Variants in SLC38A11 observed in about 807,000 individuals in gnomAD.
SLC38A11 encodes the protein solute carrier family 38 member 11, also known as putative sodium-coupled neutral amino acid transporter 11.
A neutral mutation model predicts 49.4 loss-of-function variants in SLC38A11; 51 were observed. That is an observed-to-expected ratio of 1.03 (90% CI 0.83 to 1.30). The LOEUF is 1.30. SLC38A11 is among the 50% of genes most tolerant of loss of function. The pLI is 0.00. For synonymous variants in SLC38A11, 203 were observed against 192.9 expected (o/e 1.05, Z -0.43); for missense variants, 574 against 556.2 (o/e 1.03, Z -0.32).
rs752704396 is a variant in SLC38A11 at position 164,911,627 on chromosome 2, C to A, written c.963+9G>T. The A allele has an allele frequency of 2.7e-6, 4 of 1,469,006 alleles. No individual in the cohort carries two copies. Among genetic ancestry groups the A allele is most frequent in the Admixed American group, 3.9e-5 (2 of 51,598 alleles). The allele number at this position is 1,469,006 out of a possible 1,614,324, so 91.0% of individuals were successfully genotyped here. A position where few individuals can be genotyped will look rare whatever the true frequency, so the allele number is the denominator to read the frequency against. ...CCTGGGTAAAGCGTTGGGAAGGAAC[C>A]GCGCTTACCTCTCTTGTCACAAAGC... is the stretch of plus-strand genomic sequence containing the variant. On this transcript the variant is annotated intron_variant, in intron 10 of 11. Coordinates refer to ENST00000685975, the MANE Select transcript of SLC38A11 (RefSeq NM_001351537.2).
At chr2:164,907,091 G>A (rs1559088644) in intron 11 of SLC38A11, among the ~76,000 whole-genome samples, 1 of 152,030 alleles carries the variant, frequency 6.6e-6, no homozygotes, top group Non-Finnish European at 1.5e-5. Flanking sequence ...CTTTGTAGTG[G>A]TAGAACAACT....
At chr2:164,941,504 T>C (rs562113163) in intron 5 of SLC38A11, among the ~76,000 whole-genome samples, 76 of 152,190 alleles carry the variant, frequency 5.0e-4, no homozygotes. Flanking sequence ...CACCCCAAAA[T>C]GGTGAAGATG....
rs767116469 is a variant in SLC38A11, at chr2:164,937,415, A to G, written c.552T>C (p.Ser184=). The G allele has an allele frequency of 5.0e-6, 8 of 1,608,766 alleles. No individual in the cohort carries two copies. In the South Asian group the frequency reaches 8.8e-5, roughly 18 times the overall value. The change falls in exon 7 of 12, where the codon TCT becomes TCC. Residue 184 remains serine, a synonymous_variant. Transcript: ENST00000685975. The part of the protein sequence containing the change: ...IAKLGKVSLI[S]TGLTTLILGI... Reference sequence around the variant, plus strand: ...CAAGAATCAGAGTTGTTAAACCTGTAGAGATGAGGGAGACCTGTAAAAGAA... The same window carrying G: ...CAAGAATCAGAGTTGTTAAACCTGTGGAGATGAGGGAGACCTGTAAAAGAA...
intron 3 of SLC38A11, among the ~76,000 whole-genome samples, 163 bp downstream of exon 3, chr2:164,952,544 A>G (rs1275106426): frequency 6.6e-6 from 1 of 152,242 alleles, no homozygotes; most frequent in Non-Finnish European, 1.5e-5. Flanking sequence ...TAGTAAGAAA[A>G]GTAAATCTCC....
At chr2:164,912,526 C>A (rs1356034761) in intron 9 of SLC38A11, 3 of 152,010 alleles carry the variant, frequency 2.0e-5, no homozygotes, top group African/African-American at 7.2e-5. Context: ...AAGAACAATC[C>A]TGAAAGGAAG....
chr2:164,938,007 A>G (rs1687494063), intron 6 of SLC38A11, among the ~76,000 whole-genome samples: 1 of 151,578 alleles, frequency 6.6e-6, no homozygotes, highest in Non-Finnish European at 1.5e-5. Flanking sequence ...CTGTTCTGTC[A>G]TTATATCAAC....
At chr2:164,923,083 A>G (rs1171885455) in intron 7 of SLC38A11, among the ~76,000 whole-genome samples, 1 of 152,238 alleles carries the variant, frequency 6.6e-6, no homozygotes, top group Non-Finnish European at 1.5e-5. Flanking sequence ...CTTGAGATGG[A>G]TTAGAGATTT....
chr2:164,909,407 G>T (rs946481309), intron 10 of SLC38A11, among the ~76,000 whole-genome samples: 7 of 151,938 alleles, frequency 4.6e-5, no homozygotes, highest in African/African-American at 1.5e-4. Flanking sequence ...TCAGGGAAAT[G>T]ATTCCTATTC....
intron 11 of SLC38A11, among the ~76,000 whole-genome samples, chr2:164,904,897 G>C (rs1186851680): frequency 1.3e-5 from 2 of 152,070 alleles, no homozygotes; most frequent in Non-Finnish European, 2.9e-5. Flanking sequence ...AAATCTCAGA[G>C]TAGTGTAATG....
chr2:164,935,420 C>CG (rs1687296210), intron 7 of SLC38A11, among the ~76,000 whole-genome samples: 1 of 150,148 alleles, frequency 6.7e-6, no homozygotes. Flanking sequence ...CTGTTAATCC[C>CG]AGCACTTTGG....
intron 11 of SLC38A11, among the ~76,000 whole-genome samples, chr2:164,907,270 CTTTTTTTT>C (rs60527900): frequency 1.0e-5 from 1 of 97,916 alleles, no homozygotes. Context: ...CTTCTTTTCT[CTTTTTTTT>C]TTTTTTTTTT....
chr2:164,933,071 A>G (rs1020698841), intron 7 of SLC38A11, among the ~76,000 whole-genome samples: 1 of 152,084 alleles, frequency 6.6e-6, no homozygotes, highest in Non-Finnish European at 1.5e-5. Flanking sequence ...GTGCATTGAG[A>G]TTAAAATTTA....
chr2:164,916,455 G>A (rs1007346848), intron 7 of SLC38A11, among the ~76,000 whole-genome samples: 11 of 152,028 alleles, frequency 7.2e-5, no homozygotes, highest in Non-Finnish European at 1.5e-4. Context: ...AATTGAGGAT[G>A]TACTATCTTC....
At chr2:164,952,981 A>T in intron 2 of SLC38A11, 200 bp from the exon 3 acceptor site, 1 of 503,622 alleles carries the variant, frequency 2.0e-6, no homozygotes. Context: ...TTATTAGCTT[A>T]GGGACAAGTT....
At position 164,939,506 on chromosome 2, in the gene SLC38A11, T is replaced by C. The variant is rs1407383134; in HGVS notation, c.481A>G (p.Thr161Ala). 1 of 1,611,092 alleles carries C rather than the reference T, an allele frequency of 6.2e-7. No homozygotes were observed. The highest frequency in any genetic ancestry group is 1.1e-5 in the South Asian group (1 of 90,828). Residue 161 changes from threonine (T) to alanine (A), a missense_variant, in exon 6 of 12, where the codon ACA (threonine) becomes GCA (alanine). Physicochemically the swap from Thr to Ala is moderately conservative, Grantham distance 58. Coordinates refer to ENST00000685975, the MANE Select transcript of SLC38A11 (RefSeq NM_001351537.2). ...IGRHFIIGLS[T>A]VTFTLPLSLY... ...GATAAAGGCAGAGTAAAGGTAACTG[T>C]GGAAAGTCCAATAATGAAGTGGCGA...
chr2:164,952,350 C>T (rs371603578), intron 3 of SLC38A11, among the ~76,000 whole-genome samples: 3 of 152,164 alleles, frequency 2.0e-5, no homozygotes, highest in East Asian at 3.9e-4. Flanking sequence ...CTCATTCACA[C>T]GCACCTGCCC....
At chr2:164,911,595 G>C (rs1685404802) in intron 10 of SLC38A11, 41 bp downstream of exon 10, 2 of 971,906 alleles carry the variant, frequency 2.1e-6, no homozygotes, top group South Asian at 3.8e-5. Context: ...ATGTGGCAGA[G>C]AGATCACCTG....
chr2:164,944,588 A>C lies in SLC38A11; in HGVS notation c.411T>G (p.Val137=). 2 of 1,341,656 alleles carry C rather than the reference A, an allele frequency of 1.5e-6. No homozygotes were observed. Among genetic ancestry groups the C allele is most frequent in the Non-Finnish European group, 1.9e-6 (2 of 1,035,152 alleles). 83.1% of individuals were successfully genotyped at this position (1,341,656 alleles called of 1,614,324 possible). ...GCTTACCTCCTGGGATTCTTTGAAA[A>C]ACTTTGCTCAAAGTATCTCCAGCTA... ...NIIAGDTLSK[V]FQRIPGVDPE... is the part of the protein sequence containing the mutation. The change falls in exon 5 of 12, where the codon GTT becomes GTG. Residue 137 remains valine, a synonymous_variant. Coordinates refer to ENST00000685975, the MANE Select transcript of SLC38A11 (RefSeq NM_001351537.2).
intron 7 of SLC38A11, among the ~76,000 whole-genome samples, chr2:164,933,902 A>G (rs927393163): frequency 1.3e-5 from 2 of 152,168 alleles, no homozygotes; most frequent in African/African-American, 4.8e-5. Flanking sequence ...AGTATTAAAA[A>G]ACATACTTCT....
Sources: allele counts gnomAD v4.1 joint callset (sites outside exome capture counted in the v4.1 genomes callset), GRCh38; gene constraint gnomAD v4.1.1; transcripts MANE v1.5; gene names NCBI Gene and HGNC (gene_info 2026-07-23, HGNC 2026-07-21).